ALLC: variants seen among roughly 807,000 people sequenced by gnomAD.
ALLC encodes probable inactive allantoicase.
In ALLC, 40 loss-of-function variants were observed where a neutral mutation model predicts 45.0. The observed-to-expected ratio is 0.89, with a 90% CI of 0.69 to 1.16. ALLC has a LOEUF of 1.16. Among genes scored for constraint, ALLC ranks in the 50% most tolerant of loss-of-function variants. The pLI is 0.00. For missense variants in ALLC, 488 were observed against 493.1 expected, an observed-to-expected ratio of 0.99 and a Z score of 0.10; for synonymous variants, 176 against 178.1, an observed-to-expected ratio of 0.99 and a Z score of 0.09.
chr2:3,661,158 T>A (rs907018222), intron 1 of ALLC, among the ~76,000 whole-genome samples: 2 of 152,146 alleles, frequency 1.3e-5, no homozygotes, highest in African/African-American at 4.8e-5. Context: ...GTCTCTGAGT[T>A]CCTTAGCAAT....
chr2:3,649,262 G>A, the ALLC span, among the ~76,000 whole-genome samples: 6 of 140,306 alleles, frequency 4.3e-5, no homozygotes, highest in African/African-American at 1.3e-4. Context: ...TTTTTTTTGA[G>A]ACGGAGTCTC....
intron 2 of ALLC, among the ~76,000 whole-genome samples, chr2:3,671,451 G>A (rs1362952452): frequency 2.0e-5 from 3 of 152,228 alleles, no homozygotes; most frequent in African/African-American, 7.2e-5. Context: ...ATAGGCAGGC[G>A]GTCCTCTAGC....
At chr2:3,677,977 G>A (rs1667070071) in intron 3 of ALLC, among the ~76,000 whole-genome samples, 1 of 152,224 alleles carries the variant, frequency 6.6e-6, no homozygotes, top group African/African-American at 2.4e-5. Flanking sequence ...GTCTAAGGAG[G>A]CTGTGTGGGG....
chr2:3,651,305 TGGGTGGGTGGGGGG>T, the ALLC span, among the ~76,000 whole-genome samples: 1 of 23,348 alleles, frequency 4.3e-5, no homozygotes, highest in Non-Finnish European at 9.0e-5. Flanking sequence ...TTTGGGTGGG[TGGGTGGGTGGGGGG>T]GGTGTGTGTG....
chr2:3,652,498 G>A, the ALLC span, among the ~76,000 whole-genome samples: 2 of 150,806 alleles, frequency 1.3e-5, no homozygotes, highest in Non-Finnish European at 2.9e-5. Context: ...GGAAGAAAAT[G>A]TGTTTCCTAA....
At chr2:3,701,450 TC>T in intron 10 of ALLC, 61 bp from the exon 11 acceptor site, 1 of 1,482,504 alleles carries the variant, frequency 6.7e-7, no homozygotes, top group Non-Finnish European at 9.0e-7. Context: ...AAGCATGATA[TC>T]CTATACGCCA....
At chr2:3,677,295 A>G (rs186768708) in intron 3 of ALLC, among the ~76,000 whole-genome samples, 105 of 152,110 alleles carry the variant, frequency 6.9e-4, no homozygotes, top group African/African-American at 2.5e-3. Flanking sequence ...CTAAACACCA[A>G]AAAGTTTGGG....
At chr2:3,674,359 T>C (rs1024137609) in intron 3 of ALLC, among the ~76,000 whole-genome samples, 11 of 152,232 alleles carry the variant, frequency 7.2e-5, no homozygotes, top group African/African-American at 2.4e-4. Flanking sequence ...GGGAAAATTC[T>C]GAGGTCCTCA....
chr2:3,660,162 T>A (rs1196118615), intron 1 of ALLC, among the ~76,000 whole-genome samples: 3 of 152,102 alleles, frequency 2.0e-5, no homozygotes, highest in Non-Finnish European at 2.9e-5. Flanking sequence ...GGTGAGACGG[T>A]TCTTCCTCTG....
chr2:3,696,405 C>T, intron 9 of ALLC, 57 bp downstream of exon 9: 1 of 1,444,128 alleles, frequency 6.9e-7, no homozygotes, highest in Non-Finnish European at 9.5e-7. Flanking sequence ...TTTTTTGGAA[C>T]TTTTTCTTTT....
At chr2:3,701,091 C>G (rs950041391) in intron 10 of ALLC, among the ~76,000 whole-genome samples, 1 of 152,186 alleles carries the variant, frequency 6.6e-6, no homozygotes, top group Non-Finnish European at 1.5e-5. Context: ...TCAGTATTTC[C>G]TTTTGATTGT....
Position 3,695,449 on chromosome 2 carries a change from G to C in ALLC, c.512-268G>C, listed in dbSNP as rs1235390037. 3 of 403,784 alleles carry C rather than the reference G, an allele frequency of 7.4e-6. No individual in the cohort carries two copies. The Admixed American group carries it at 1.2e-4, about 17-fold the overall frequency. The allele number at this position is 403,784 out of a possible 1,614,324, so 25.0% of individuals were successfully genotyped here. ...GGAGGAGGGAGGAGACAACTTCAGA[G>C]CATGAGAGGGAAGACTTTTCTGAGG... On this transcript the variant is annotated intron_variant, in intron 7 of 11. Transcript: ENST00000252505.
intron 7 of ALLC, among the ~76,000 whole-genome samples, chr2:3,692,483 G>A (rs543804351): frequency 3.3e-5 from 5 of 152,208 alleles, no homozygotes; most frequent in Non-Finnish European, 7.4e-5. Flanking sequence ...TGTTGGACAA[G>A]CTTAGCTTAG....
intron 1 of ALLC, among the ~76,000 whole-genome samples, chr2:3,669,530 C>T (rs1666811295): frequency 6.6e-6 from 1 of 151,848 alleles, no homozygotes; most frequent in Non-Finnish European, 1.5e-5. Context: ...CACCTGTAAT[C>T]CCAGCTACTT....
At chr2:3,660,141 G>A (rs1007473161) in intron 1 of ALLC, among the ~76,000 whole-genome samples, 4 of 152,184 alleles carry the variant, frequency 2.6e-5, no homozygotes, top group African/African-American at 4.8e-5. Flanking sequence ...GCTTGGTGCC[G>A]TTCTGGAGGT....
chr2:3,696,004 A>C, intron 8 of ALLC, 132 bp downstream of exon 8: 1 of 1,039,528 alleles, frequency 9.6e-7, no homozygotes, highest in Non-Finnish European at 1.4e-6. Flanking sequence ...TTAATCTTCC[A>C]TGTGTAGGAT....
At chr2:3,646,649 C>T in the ALLC span, among the ~76,000 whole-genome samples, 1 of 152,302 alleles carries the variant, frequency 6.6e-6, no homozygotes, top group South Asian at 2.1e-4. Flanking sequence ...TCAGAGCGAC[C>T]AGGCTTTTGC....
At chr2:3,681,596 A>G (rs1237413461) in intron 5 of ALLC, 38 bp from the exon 6 acceptor site, 17 of 1,481,350 alleles carry the variant, frequency 1.1e-5, no homozygotes, top group Non-Finnish European at 1.4e-5. Context: ...TTGATTTTGA[A>G]CCCTAATCTT....
intron 3 of ALLC, among the ~76,000 whole-genome samples, chr2:3,675,961 G>A (rs576935522): frequency 9.8e-5 from 15 of 152,332 alleles, no homozygotes; most frequent in African/African-American, 1.7e-4. Context: ...GCCACCTGCC[G>A]CTGATTCCCT....
Sources: gnomAD v4.1 joint callset for allele counts (sites outside exome capture counted in the v4.1 genomes callset) on GRCh38, gnomAD v4.1.1 for gene constraint, MANE v1.5 for transcripts, NCBI Gene and HGNC (gene_info 2026-07-23, HGNC 2026-07-21) for gene names.